NAV1: variants seen among roughly 807,000 people sequenced by gnomAD.
The protein encoded by NAV1 is pore membrane and/or filament interacting like protein 3.
NAV1 carries 18 observed loss-of-function variants against 175.2 expected under a neutral mutation model. That is an observed-to-expected ratio of 0.10 (90% confidence interval 0.07 to 0.15). The LOEUF (loss-of-function observed/expected upper bound fraction) is 0.15. NAV1 is among the 10% of genes least tolerant of loss of function. NAV1 has a pLI of 1.00. For missense variants in NAV1, 1,731 were observed against 2,436.6 expected (o/e 0.71, Z 6.10); for synonymous variants, 897 against 978.7 (o/e 0.92, Z 1.56).
intron 2 of NAV1, among the ~76,000 whole-genome samples, chr1:201,640,649 C>T (rs1263408708): frequency 6.6e-6 from 1 of 152,200 alleles, no homozygotes; most frequent in Non-Finnish European, 1.5e-5. Flanking sequence ...AGGCAAGGGT[C>T]TACTGGCCTC....
chr1:201,776,378 A>ACGC (rs969449901), intron 3 of NAV1, among the ~76,000 whole-genome samples: 10 of 149,118 alleles, frequency 6.7e-5, no homozygotes, highest in African/African-American at 2.5e-4. Context: ...ATGGTGGTTC[A>ACGC]CGCCTATAAT....
At chr1:201,783,790 C>T (rs1359009625) in exon 7 of NAV1, 1 of 1,614,126 alleles carries the variant, frequency 6.2e-7, no homozygotes, top group Non-Finnish European at 8.5e-7. Context: ...CTGCTGCTCC[C>T]ACAGAAGAAG....
intron 3 of NAV1, among the ~76,000 whole-genome samples, chr1:201,720,437 A>G (rs1672335353): frequency 6.6e-6 from 1 of 152,218 alleles, no homozygotes; most frequent in South Asian, 2.1e-4. Context: ...GCCCCTGCCC[A>G]GCACAGCTCC....
At chr1:201,627,150 AGTGG>A (rs1288554175) in intron 1 of NAV1, among the ~76,000 whole-genome samples, 60 of 152,220 alleles carry the variant, frequency 3.9e-4, no homozygotes. Flanking sequence ...GCTGGGGTGC[AGTGG>A]CACAGTCATA....
intron 1 of NAV1, among the ~76,000 whole-genome samples, chr1:201,668,866 T>TC (rs1406164309): frequency 6.6e-6 from 1 of 152,158 alleles, no homozygotes; most frequent in African/African-American, 2.4e-5. Flanking sequence ...TTGGGGTCAC[T>TC]CCTGCAGCTT....
chr1:201,783,441 T>C, exon 7 of NAV1: 1 of 1,614,124 alleles, frequency 6.2e-7, no homozygotes, highest in Non-Finnish European at 8.5e-7. Flanking sequence ...CCACCCTCAC[T>C]AGCCAATCTT....
chr1:201,799,759 C>T (rs1374402519), intron 15 of NAV1, among the ~76,000 whole-genome samples: 1 of 151,394 alleles, frequency 6.6e-6, no homozygotes, highest in Non-Finnish European at 1.5e-5. Context: ...ACTCAGGAGG[C>T]TGAGACAGGA....
intron 1 of NAV1, among the ~76,000 whole-genome samples, chr1:201,557,129 G>C (rs1417773125): frequency 2.0e-5 from 3 of 152,100 alleles, no homozygotes; most frequent in Non-Finnish European, 4.4e-5. Context: ...AGATTTCTAT[G>C]CATTCCCACG....
At chr1:201,736,661 T>A (rs1370559317) in intron 3 of NAV1, among the ~76,000 whole-genome samples, 3 of 152,152 alleles carry the variant, frequency 2.0e-5, no homozygotes, top group Non-Finnish European at 4.4e-5. Flanking sequence ...GCTTTGGACA[T>A]TTCCTGGACT....
At chr1:201,744,603 G>A (rs1673651320) in intron 3 of NAV1, among the ~76,000 whole-genome samples, 1 of 152,166 alleles carries the variant, frequency 6.6e-6, no homozygotes, top group Non-Finnish European at 1.5e-5. Flanking sequence ...GCAAGTAACT[G>A]TGATACCAGG....
intron 2 of NAV1, among the ~76,000 whole-genome samples, chr1:201,641,176 C>T (rs942174176): frequency 6.6e-6 from 1 of 152,148 alleles, no homozygotes; most frequent in African/African-American, 2.4e-5. Context: ...CCTTGGGGGA[C>T]ATTCTTGGTT....
At chr1:201,549,142 TC>T (rs1242396907) in intron 1 of NAV1, among the ~76,000 whole-genome samples, 1 of 130,566 alleles carries the variant, frequency 7.7e-6, no homozygotes, top group East Asian at 2.1e-4. Context: ...TTTCTTTCTT[TC>T]TTCTTTCTCT....
intron 2 of NAV1, among the ~76,000 whole-genome samples, chr1:201,592,768 G>A (rs1245304018): frequency 6.6e-6 from 1 of 152,124 alleles, no homozygotes; most frequent in Non-Finnish European, 1.5e-5. Context: ...CAAGATGATA[G>A]CACCTTGCAG....
chr1:201,552,159 G>A (rs994434403), intron 1 of NAV1, among the ~76,000 whole-genome samples: 2 of 152,192 alleles, frequency 1.3e-5, no homozygotes, highest in Non-Finnish European at 2.9e-5. Context: ...GTTTGGGATG[G>A]CAGGGAGGGG....
At chr1:201,732,705 A>G (rs910772821) in intron 3 of NAV1, among the ~76,000 whole-genome samples, 1 of 152,260 alleles carries the variant, frequency 6.6e-6, no homozygotes, top group Non-Finnish European at 1.5e-5. Context: ...AAACACTTGT[A>G]GACCACTTAA....
intron 29 of NAV1, among the ~76,000 whole-genome samples, chr1:201,818,017 G>A (rs987646162): frequency 1.3e-5 from 2 of 151,822 alleles, no homozygotes; most frequent in Non-Finnish European, 2.9e-5. Context: ...GATGGCTTGA[G>A]GCCAGGAGTG....
intron 2 of NAV1, among the ~76,000 whole-genome samples, chr1:201,632,133 C>T (rs10920221): frequency 4.6e-5 from 7 of 151,990 alleles, no homozygotes; most frequent in Admixed American, 6.6e-5. Context: ...AGTCTTTGAG[C>T]GGAGCAGGAG....
chr1:201,648,348 TTGAC>T, exon 1 of NAV1: 1 of 1,141,352 alleles, frequency 8.8e-7, no homozygotes, highest in Non-Finnish European at 1.1e-6. Flanking sequence ...CATCCTTCCT[TTGAC>T]TGATTTTTAA....
At chr1:201,540,990 A>T (rs1369956407) in intron 1 of NAV1, among the ~76,000 whole-genome samples, 1 of 152,234 alleles carries the variant, frequency 6.6e-6, no homozygotes, top group Non-Finnish European at 1.5e-5. Context: ...AGAGAACACC[A>T]GGTGAAAGAG....
Sources: gnomAD v4.1 joint callset for allele counts (sites outside exome capture counted in the v4.1 genomes callset) on GRCh38, gnomAD v4.1.1 for gene constraint, MANE v1.5 for transcripts, NCBI Gene and HGNC (gene_info 2026-07-23, HGNC 2026-07-21) for gene names.